The following PDE1A variants were observed in gnomAD, a reference collection of about 807,000 sequenced individuals.
PDE1A encodes the protein dual specificity calcium/calmodulin-dependent 3',5'-cyclic nucleotide phosphodiesterase 1A.
In PDE1A, 35 loss-of-function variants were observed where a neutral mutation model predicts 61.7. The observed-to-expected ratio is 0.57, with a 90% CI of 0.43 to 0.75. The LOEUF is 0.75. Ranked by LOEUF, PDE1A falls within the 30% of genes least tolerant of loss-of-function variation. The pLI, the probability that PDE1A is intolerant of heterozygous loss-of-function variation, is 0.00. For synonymous variants in PDE1A, 232 were observed against 213.2 expected (o/e 1.09, Z -0.77); for missense variants, 597 against 630.6 (o/e 0.95, Z 0.57).
intron 1 of PDE1A, among the ~76,000 whole-genome samples, chr2:182,270,155 C>CT (rs1373769401): frequency 6.6e-6 from 1 of 152,084 alleles, no homozygotes; most frequent in African/African-American, 2.4e-5. Flanking sequence ...TTCTAACGAT[C>CT]AGGACACATA....
the PDE1A span, among the ~76,000 whole-genome samples, chr2:182,551,399 G>C: frequency 6.6e-6 from 1 of 152,172 alleles, no homozygotes; most frequent in African/African-American, 2.4e-5. Flanking sequence ...GCTTGGGGTT[G>C]TCCCATGAGT....
intron 2 of PDE1A, among the ~76,000 whole-genome samples, chr2:182,263,306 T>G (rs554560311): frequency 1.3e-5 from 2 of 152,152 alleles, no homozygotes; most frequent in African/African-American, 4.8e-5. Context: ...TGGGGACCAT[T>G]TGTGGGTCCT....
chr2:182,599,794 T>C, the PDE1A span, among the ~76,000 whole-genome samples: 1 of 152,190 alleles, frequency 6.6e-6, no homozygotes, highest in East Asian at 1.9e-4. Context: ...CAAGCACATA[T>C]CCCTGTGCTA....
chr2:182,368,119 T>A (rs902728986), intron 1 of PDE1A, among the ~76,000 whole-genome samples: 2 of 152,172 alleles, frequency 1.3e-5, no homozygotes, highest in African/African-American at 2.4e-5. Flanking sequence ...AAGAGTATTT[T>A]AAAGTAAATC....
At chr2:182,403,099 G>A (rs1177318163) in intron 1 of PDE1A, among the ~76,000 whole-genome samples, 1 of 151,202 alleles carries the variant, frequency 6.6e-6, no homozygotes, top group Non-Finnish European at 1.5e-5. Context: ...TTCAACCATT[G>A]TGGAAGACAG....
chr2:182,622,704 T>A, the PDE1A span, among the ~76,000 whole-genome samples: 1 of 152,188 alleles, frequency 6.6e-6, no homozygotes, highest in Non-Finnish European at 1.5e-5. Context: ...TGACCTGGGC[T>A]GAGATCTCAG....
intron 2 of PDE1A, among the ~76,000 whole-genome samples, chr2:182,259,855 C>A (rs1396501004): frequency 6.6e-6 from 1 of 152,182 alleles, no homozygotes; most frequent in Non-Finnish European, 1.5e-5. Flanking sequence ...TATCCCAATC[C>A]AAATAAGGAC....
At chr2:182,269,862 A>G (rs1692894860) in intron 1 of PDE1A, among the ~76,000 whole-genome samples, 1 of 152,166 alleles carries the variant, frequency 6.6e-6, no homozygotes, top group Admixed American at 6.6e-5. Flanking sequence ...CAAATTGCAA[A>G]TTGCAAGCTA....
chr2:182,621,320 C>T, the PDE1A span, among the ~76,000 whole-genome samples: 1 of 152,188 alleles, frequency 6.6e-6, no homozygotes, highest in Non-Finnish European at 1.5e-5. Context: ...CTCCCCACTC[C>T]CTTAACCTTG....
chr2:182,421,370 C>T (rs1703269149), intron 1 of PDE1A, among the ~76,000 whole-genome samples: 1 of 152,038 alleles, frequency 6.6e-6, no homozygotes, highest in African/African-American at 2.4e-5. Context: ...TTAATCGTAC[C>T]CTGTTCCTGA....
chr2:182,308,668 T>C (rs896029379), intron 1 of PDE1A, among the ~76,000 whole-genome samples: 1 of 152,054 alleles, frequency 6.6e-6, no homozygotes, highest in African/African-American at 2.4e-5. Flanking sequence ...GATGTAAAAA[T>C]TTTTCACTTT....
At chr2:182,442,914 A>G (rs1684885313) in intron 2 of PDE1A, among the ~76,000 whole-genome samples, 1 of 152,080 alleles carries the variant, frequency 6.6e-6, no homozygotes, top group Non-Finnish European at 1.5e-5. Flanking sequence ...GGAGAATGAC[A>G]TCTGTGTATT....
At chr2:182,548,864 G>A in the PDE1A span, among the ~76,000 whole-genome samples, 1 of 152,158 alleles carries the variant, frequency 6.6e-6, no homozygotes, top group Non-Finnish European at 1.5e-5. Flanking sequence ...CTAAGTGTGT[G>A]CAGACCAGTC....
chr2:182,184,116 AT>A (rs1387353792), intron 13 of PDE1A, among the ~76,000 whole-genome samples: 1 of 152,126 alleles, frequency 6.6e-6, no homozygotes, highest in African/African-American at 2.4e-5. Flanking sequence ...ATCCTAAGTT[AT>A]GCATAACACA....
At chr2:182,668,717 T>A in the PDE1A span, among the ~76,000 whole-genome samples, 1 of 152,128 alleles carries the variant, frequency 6.6e-6, no homozygotes, top group African/African-American at 2.4e-5. Context: ...AGCAGCCAGC[T>A]CTTCGGCTCC....
the PDE1A span, among the ~76,000 whole-genome samples, chr2:182,647,576 G>A: frequency 3.3e-5 from 5 of 152,274 alleles, no homozygotes; most frequent in Admixed American, 2.0e-4. Context: ...ATAATCAGCA[G>A]CTTCTGCAGG....
At chr2:182,419,331 CTTTTCTTTTTTT>C (rs1455818651) in intron 1 of PDE1A, among the ~76,000 whole-genome samples, 1 of 143,564 alleles carries the variant, frequency 7.0e-6, no homozygotes, top group Non-Finnish European at 1.5e-5. Flanking sequence ...TTCTTTTTTT[CTTTTCTTTTTTT>C]TTTTTTTTTT....
chr2:182,194,888 CA>C lies in PDE1A; in HGVS notation c.1126-5829del, dbSNP rs1686010013. Among the ~76,000 whole-genome samples, 4 of 126,410 alleles carry C rather than the reference CA, an allele frequency of 3.2e-5. No individual in the cohort carries two copies. In the South Asian group the frequency reaches 8.7e-4, roughly 27 times the overall value. The allele number at this position is 126,410 out of a possible 152,430, so 82.9% of individuals were successfully genotyped here. A position where few individuals can be genotyped will look rare whatever the true frequency, so the allele number is the denominator to read the frequency against. ...TGCATTTTTCTGAAATATTCACACA[CA>C]CACACACACACACACACACACACAC... On this transcript the variant is annotated intron_variant, in intron 10 of 13. Transcript: ENST00000351439.
the PDE1A span, among the ~76,000 whole-genome samples, chr2:182,566,499 T>C: frequency 6.6e-6 from 1 of 151,110 alleles, no homozygotes. Context: ...CTATGCATAA[T>C]ATAAATTATA....
Sources: gnomAD v4.1 joint callset for allele counts (sites outside exome capture counted in the v4.1 genomes callset) on GRCh38, gnomAD v4.1.1 for gene constraint, MANE v1.5 for transcripts, NCBI Gene and HGNC (gene_info 2026-07-23, HGNC 2026-07-21) for gene names.